The following SLC12A1 variants were observed in gnomAD, a reference collection of about 807,000 sequenced individuals.
The protein encoded by SLC12A1 is Na-K-2Cl cotransporter.
SLC12A1 carries 89 observed loss-of-function variants against 130.4 expected under a neutral mutation model. The ratio of observed to expected loss-of-function variants is 0.68; its 90% CI spans 0.58 to 0.81. SLC12A1 has a LOEUF of 0.81. Ranked by LOEUF, SLC12A1 falls within the 40% of genes least tolerant of loss-of-function variation. The pLI, the probability that SLC12A1 is intolerant of heterozygous loss-of-function variation, is 0.00. For synonymous variants in SLC12A1, 499 were observed against 460.0 expected, an observed-to-expected ratio of 1.08 and a Z score of -1.09; for missense variants, 1,310 against 1,336.4, an observed-to-expected ratio of 0.98 and a Z score of 0.31.
intron 17 of SLC12A1, among the ~76,000 whole-genome samples, chr15:48,261,015 T>C (rs1489998044): frequency 6.6e-6 from 1 of 152,188 alleles, no homozygotes; most frequent in Non-Finnish European, 1.5e-5. Context: ...GGTTAAGTAA[T>C]GACCAACTGT....
Position 48,247,363 on chromosome 15 carries a change from A to G in SLC12A1, c.1587A>G (p.Lys529=). The G allele has an allele frequency of 6.2e-7, 1 of 1,613,424 alleles. No individual in the cohort carries two copies. The highest frequency in any genetic ancestry group is 8.5e-7 in the Non-Finnish European group (1 of 1,179,702). ...FQALCKDNIY[K]ALQFFAKGYG... Reference sequence around the variant, plus strand: ...CTCTGTGCAAGGACAACATCTACAAAGCCCTGCAGTTTTTTGCAAAGGGAT... The same window carrying G: ...CTCTGTGCAAGGACAACATCTACAAGGCCCTGCAGTTTTTTGCAAAGGGAT... Residue 529 remains lysine (K), a synonymous_variant, in exon 13 of 27, where the codon AAA becomes AAG. Transcript: ENST00000380993.
chr15:48,274,589 G>C lies in SLC12A1; in HGVS notation c.2421G>C (p.Glu807Asp). The change falls in exon 20 of 27, where the codon GAG becomes GAC. Residue 807 changes from glutamate to aspartate, a missense_variant. Glu to Asp is a conservative substitution (Grantham distance 45). Transcript: ENST00000380993. Reference protein sequence around the residue: ...VGIIHDAFDFEIGVVIVRISQ... With the variant: ...VGIIHDAFDFDIGVVIVRISQ... ...CTTTCAGTGATGCATTTGATTTTGA[G>C]ATTGGCGTGGTTATAGTCAGAATCA... 6.2e-7 allele frequency: 1 copy of C among 1,612,846 alleles called. No homozygotes were observed. Among genetic ancestry groups the C allele is most frequent in the Non-Finnish European group, 8.5e-7 (1 of 1,179,316 alleles).
At chr15:48,280,776 T>C (rs1034723299) in intron 20 of SLC12A1, among the ~76,000 whole-genome samples, 2 of 152,064 alleles carry the variant, frequency 1.3e-5, no homozygotes, top group Non-Finnish European at 2.9e-5. Context: ...TGCCCCTTTT[T>C]TATATAACTT....
At chr15:48,223,917 T>G (rs546431184) in intron 4 of SLC12A1, 1 of 152,460 alleles carries the variant, frequency 6.6e-6, no homozygotes, top group South Asian at 2.1e-4. Context: ...CCACTCCACC[T>G]TAACCTGCAA....
chr15:48,283,892 A>G (rs1353073063), intron 20 of SLC12A1, among the ~76,000 whole-genome samples: 2 of 149,758 alleles, frequency 1.3e-5, no homozygotes, highest in East Asian at 4.1e-4. Flanking sequence ...GAAGCCTCCT[A>G]AGTGTAGCAC....
At chr15:48,252,963 A>G (rs183084506) in intron 15 of SLC12A1, among the ~76,000 whole-genome samples, 14 of 152,306 alleles carry the variant, frequency 9.2e-5, no homozygotes, top group African/African-American at 3.1e-4. Flanking sequence ...TGTTGTGAGC[A>G]ATAGGAAGAT....
At chr15:48,229,786 T>C (rs1431304025) in intron 6 of SLC12A1, among the ~76,000 whole-genome samples, 1 of 152,222 alleles carries the variant, frequency 6.6e-6, no homozygotes, top group Non-Finnish European at 1.5e-5. Context: ...CTAGTTTAGG[T>C]GCCTAGTCTA....
chr15:48,276,950 G>T (rs2041959979), intron 20 of SLC12A1, among the ~76,000 whole-genome samples: 1 of 152,172 alleles, frequency 6.6e-6, no homozygotes, highest in Admixed American at 6.5e-5. Flanking sequence ...GAATCAAATG[G>T]AATTGGCATG....
intron 19 of SLC12A1, 95 bp from the exon 20 acceptor site, chr15:48,274,476 T>A: frequency 1.3e-6 from 1 of 786,360 alleles, no homozygotes; most frequent in South Asian, 1.5e-5. Context: ...ATAGTTTCAT[T>A]ATATCAAAAT....
chr15:48,287,725 G>A (rs547614544), intron 21 of SLC12A1, among the ~76,000 whole-genome samples: 2 of 152,226 alleles, frequency 1.3e-5, no homozygotes, highest in South Asian at 4.2e-4. Flanking sequence ...TAGCATTGTT[G>A]CATGCCTAAA....
chr15:48,253,563 A>G (rs904055546), intron 15 of SLC12A1, among the ~76,000 whole-genome samples: 5 of 152,358 alleles, frequency 3.3e-5, no homozygotes, highest in African/African-American at 9.6e-5. Context: ...GTATGAATAC[A>G]TCACATATAT....
chr15:48,226,172 A>C (rs2041283152), intron 4 of SLC12A1: 1 of 283,172 alleles, frequency 3.5e-6, no homozygotes, highest in Non-Finnish European at 6.4e-6. Context: ...GTCAAATGTC[A>C]TGTTTTCTCT....
intron 17 of SLC12A1, among the ~76,000 whole-genome samples, chr15:48,264,361 CA>C (rs1230855338): frequency 6.6e-6 from 1 of 152,084 alleles, no homozygotes; most frequent in Non-Finnish European, 1.5e-5. Context: ...ATAAATCTCA[CA>C]GAAGACACCT....
intron 17 of SLC12A1, among the ~76,000 whole-genome samples, chr15:48,266,371 A>G (rs1443721029): frequency 1.3e-5 from 2 of 152,160 alleles, no homozygotes; most frequent in Non-Finnish European, 2.9e-5. Context: ...GATAAGATAC[A>G]AAAGCTCAGA....
intron 24 of SLC12A1, among the ~76,000 whole-genome samples, chr15:48,294,660 T>C (rs769451961): frequency 1.6e-4 from 25 of 152,200 alleles, no homozygotes; most frequent in Non-Finnish European, 2.9e-4. Context: ...TGCAGTGATA[T>C]AATCAAACAA....
chr15:48,264,733 T>A (rs1287094488), intron 17 of SLC12A1, among the ~76,000 whole-genome samples: 1 of 151,784 alleles, frequency 6.6e-6, no homozygotes, highest in Non-Finnish European at 1.5e-5. Context: ...CTTTCAATGT[T>A]AAAAAAAAGA....
Position 48,220,674 on chromosome 15 carries a change from A to T in SLC12A1, c.461A>T (p.Asn154Ile). 1 of 1,613,756 alleles carries T rather than the reference A, an allele frequency of 6.2e-7. No individual in the cohort carries two copies. The highest frequency in any genetic ancestry group is 8.5e-7 in the Non-Finnish European group (1 of 1,179,754). ...CCAAGTTCAGCTGACAGAGTTGCTA[A>T]CGGTGATGGGATACCTGGAGATGAA... Reference protein sequence around the residue: ...VTPSSADRVANGDGIPGDEQA... With the variant: ...VTPSSADRVAIGDGIPGDEQA... The change falls in exon 3 of 27, where the codon AAC becomes ATC. Residue 154 changes from asparagine to isoleucine, a missense_variant. Asn to Ile is a moderately radical substitution (Grantham distance 149). Coordinates refer to ENST00000380993, the MANE Select transcript of SLC12A1 (RefSeq NM_000338.3).
intron 4 of SLC12A1, chr15:48,224,605 T>C (rs1442254433): frequency 6.6e-6 from 1 of 152,214 alleles, no homozygotes. Context: ...GCTTGTTGTG[T>C]AGATGCCTGT....
chr15:48,250,971 C>T (rs1303277458), intron 14 of SLC12A1, among the ~76,000 whole-genome samples: 3 of 152,136 alleles, frequency 2.0e-5, no homozygotes, highest in Admixed American at 6.6e-5. Flanking sequence ...CACGCACGTG[C>T]GCACTGTGAG....
Sources: gnomAD v4.1 joint callset for allele counts (sites outside exome capture counted in the v4.1 genomes callset) on GRCh38, gnomAD v4.1.1 for gene constraint, MANE v1.5 for transcripts, NCBI Gene and HGNC (gene_info 2026-07-23, HGNC 2026-07-21) for gene names.